The following SEC22C variants were observed in gnomAD, a reference collection of about 807,000 sequenced individuals.
SEC22C encodes the protein vesicle-trafficking protein SEC22c.
Under a neutral mutation model 34.7 loss-of-function variants are expected in SEC22C, and 29 were observed. The observed-to-expected ratio is 0.84, with a 90% CI of 0.62 to 1.14. SEC22C has a LOEUF of 1.14. Among genes scored for constraint, SEC22C ranks in the 50% most tolerant of loss-of-function variants. The pLI, the probability that SEC22C is intolerant of heterozygous loss-of-function variation, is 0.00. For synonymous variants in SEC22C, 117 were observed against 132.8 expected (o/e 0.88, Z 0.82); for missense variants, 337 against 369.0 (o/e 0.91, Z 0.71).
At chr3:42,560,120 CTATATATA>C (rs534462968) in intron 4 of SEC22C, among the ~76,000 whole-genome samples, 3 of 92,946 alleles carry the variant, frequency 3.2e-5, no homozygotes, top group African/African-American at 1.2e-4. Context: ...CTCTCTCTCT[CTATATATA>C]TATATATATA....
chr3:42,548,388 G>C lies in SEC22C; in HGVS notation c.*4860C>G. 1 of 589,110 alleles carries C rather than the reference G, an allele frequency of 1.7e-6. No homozygotes were observed. Among genetic ancestry groups the C allele is most frequent in the South Asian group, 2.1e-5 (1 of 48,134 alleles). 36.5% of individuals were successfully genotyped at this position (589,110 alleles called of 1,614,324 possible). A position where few individuals can be genotyped will look rare whatever the true frequency, so the allele number is the denominator to read the frequency against. ...GTACTAAGCATGGGTCAGAGGAATA[G>C]AATGGATTTGTTAATTTTACCCTAA... On this transcript the variant is annotated 3_prime_UTR_variant, in exon 7 of 7. Coordinates refer to ENST00000264454, the MANE Select transcript of SEC22C (RefSeq NM_032970.4).
intron 1 of SEC22C, among the ~76,000 whole-genome samples, chr3:42,589,193 C>T (rs559250046): frequency 1.4e-3 from 219 of 151,278 alleles, no homozygotes; most frequent in Non-Finnish European, 2.9e-3. Context: ...CGCTTGAACC[C>T]GGGAGGCAGA....
chr3:42,595,998 T>A (rs1052028180), intron 1 of SEC22C, among the ~76,000 whole-genome samples: 1 of 152,128 alleles, frequency 6.6e-6, no homozygotes, highest in African/African-American at 2.4e-5. Flanking sequence ...TTTTTCTTTT[T>A]CTTCTTTTTT....
intron 2 of SEC22C, among the ~76,000 whole-genome samples, chr3:42,568,001 G>T (rs1310621691): frequency 1.3e-5 from 2 of 152,246 alleles, no homozygotes; most frequent in African/African-American, 4.8e-5. Flanking sequence ...GAACCCAGGA[G>T]GCAGAGGTTG....
chr3:42,581,725 G>C (rs533746470), intron 1 of SEC22C, 121 bp downstream of exon 1: 1 of 152,512 alleles, frequency 6.6e-6, no homozygotes, highest in African/African-American at 2.4e-5. Context: ...GTCAAGGCCG[G>C]GACTGAGGGC....
In SEC22C at chr3:42,549,065, C is replaced by T. The variant is rs1006645878; in HGVS notation, c.*4183G>A. 55 of 992,256 alleles carry T rather than the reference C, an allele frequency of 5.5e-5. No homozygotes were observed. The highest frequency in any genetic ancestry group is 1.9e-4 in the African/African-American group (11 of 57,670). The allele number at this position is 992,256 out of a possible 1,614,324, so 61.5% of individuals were successfully genotyped here. A position where few individuals can be genotyped will look rare whatever the true frequency, so the allele number is the denominator to read the frequency against. On this transcript the variant is annotated 3_prime_UTR_variant, in exon 7 of 7. Transcript: ENST00000264454. ...CTCAGTGAAGAGCCTAGCCAGCTGA[C>T]GGTCAGCTGACTGGTGCACTCTTTC...
chr3:42,591,363 T>G, intron 1 of SEC22C: 2 of 610,686 alleles, frequency 3.3e-6, no homozygotes, highest in South Asian at 3.9e-5. Flanking sequence ...CACTCCCGGC[T>G]AATTTTTGTA....
Position 42,549,175 on chromosome 3 carries a change from C to T in SEC22C, c.*4073G>A. On this transcript the variant is annotated 3_prime_UTR_variant, in exon 7 of 7. Coordinates refer to ENST00000264454, the MANE Select transcript of SEC22C (RefSeq NM_032970.4). ...AGGGCACAGGTAGAGCGTCCCCAGACCTGTGCAATATTCTACACGAAAACA... is the reference window on the plus strand; with the variant it reads ...AGGGCACAGGTAGAGCGTCCCCAGATCTGTGCAATATTCTACACGAAAACA... 2 of 989,256 alleles carry T rather than the reference C, an allele frequency of 2.0e-6. No individual in the cohort carries two copies. The allele number at this position is 989,256 out of a possible 1,614,324, so 61.3% of individuals were successfully genotyped here. A position where few individuals can be genotyped will look rare whatever the true frequency, so the allele number is the denominator to read the frequency against.
chr3:42,556,546 C>T (rs1368785203), intron 5 of SEC22C, among the ~76,000 whole-genome samples: 2 of 152,204 alleles, frequency 1.3e-5, no homozygotes, highest in Non-Finnish European at 2.9e-5. Flanking sequence ...CCACTCATAA[C>T]ACAGGCCTGC....
chr3:42,590,328 G>A (rs1704774983), intron 1 of SEC22C, among the ~76,000 whole-genome samples: 1 of 152,128 alleles, frequency 6.6e-6, no homozygotes, highest in Non-Finnish European at 1.5e-5. Flanking sequence ...TGCCAGACAC[G>A]CTGGGTGAAG....
chr3:42,597,017 C>T (rs1455825640), intron 1 of SEC22C, among the ~76,000 whole-genome samples: 2 of 152,146 alleles, frequency 1.3e-5, no homozygotes, highest in African/African-American at 4.8e-5. Context: ...TTCATGAATC[C>T]ATGTATGAAA....
intron 1 of SEC22C, among the ~76,000 whole-genome samples, chr3:42,578,940 C>T (rs1166364283): frequency 6.6e-6 from 1 of 152,166 alleles, no homozygotes; most frequent in Non-Finnish European, 1.5e-5. Flanking sequence ...AATCTCAGGA[C>T]TCTTTGAAAT....
chr3:42,563,711 A>C, intron 2 of SEC22C, 25 bp from the exon 3 acceptor site: 1 of 1,613,182 alleles, frequency 6.2e-7, no homozygotes, highest in Non-Finnish European at 8.5e-7. Context: ...CAATATCTGT[A>C]TTACCAGGAA....
intron 1 of SEC22C, chr3:42,579,607 CAA>C (rs1279147159): frequency 1.2e-4 from 10 of 85,756 alleles, no homozygotes; most frequent in Admixed American, 1.2e-4. Flanking sequence ...TCTCAAAAAA[CAA>C]AAAAAAAAAA....
chr3:42,578,814 A>G, intron 1 of SEC22C, among the ~76,000 whole-genome samples: 1 of 152,188 alleles, frequency 6.6e-6, no homozygotes, highest in East Asian at 1.9e-4. Context: ...ATCCCCACCA[A>G]TATCTTATCT....
At chr3:42,598,254 A>C (rs1447990531) in intron 1 of SEC22C, among the ~76,000 whole-genome samples, 2 of 152,206 alleles carry the variant, frequency 1.3e-5, no homozygotes, top group African/African-American at 2.4e-5. Flanking sequence ...CAAAAAAGGA[A>C]ATTCTGACAT....
At chr3:42,585,946 C>T (rs540786909), upstream of SEC22C, among the ~76,000 whole-genome samples, 2 of 152,084 alleles carry the variant, frequency 1.3e-5, no homozygotes, top group Admixed American at 1.3e-4. Context: ...TTCAACCCCC[C>T]CTCCCCCGCT....
At chr3:42,570,971 G>A (rs1006594334) in intron 1 of SEC22C, among the ~76,000 whole-genome samples, 2 of 152,126 alleles carry the variant, frequency 1.3e-5, no homozygotes, top group Non-Finnish European at 2.9e-5. Context: ...TACCAAAACA[G>A]TTAGAGACAG....
intron 1 of SEC22C, among the ~76,000 whole-genome samples, chr3:42,597,320 C>T (rs1705056773): frequency 6.6e-6 from 1 of 152,152 alleles, no homozygotes; most frequent in African/African-American, 2.4e-5. Flanking sequence ...CTTTGGGAGG[C>T]CAACGCGGGC....
Sources: gnomAD v4.1 joint callset for allele counts (sites outside exome capture counted in the v4.1 genomes callset) on GRCh38, gnomAD v4.1.1 for gene constraint, MANE v1.5 for transcripts, NCBI Gene and HGNC (gene_info 2026-07-23, HGNC 2026-07-21) for gene names.